CACNA2D4: variants seen among roughly 807,000 people sequenced by gnomAD.
CACNA2D4 encodes the protein voltage-dependent calcium channel subunit alpha-2/delta-4.
A neutral mutation model predicts 163.8 loss-of-function variants in CACNA2D4; 157 were observed. The observed-to-expected ratio is 0.96, with a 90% CI of 0.84 to 1.09. The LOEUF (loss-of-function observed/expected upper bound fraction) is 1.09, where lower values mean the gene tolerates loss of function less well. Ranked by LOEUF, CACNA2D4 falls within the 50% of genes least tolerant of loss-of-function variation. CACNA2D4 has a pLI of 0.00. For synonymous variants in CACNA2D4, 598 were observed against 586.9 expected (o/e 1.02, Z -0.27); for missense variants, 1,410 against 1,479.9 (o/e 0.95, Z 0.78).
intron 26 of CACNA2D4, among the ~76,000 whole-genome samples, chr12:1,826,241 G>A (rs1233876852): frequency 1.3e-5 from 2 of 152,126 alleles, no homozygotes; most frequent in African/African-American, 4.8e-5. Context: ...CCATGGTGAT[G>A]GGCACTGGGT....
At chr12:1,815,123 C>T (rs1286793818) in intron 26 of CACNA2D4, among the ~76,000 whole-genome samples, 1 of 152,196 alleles carries the variant, frequency 6.6e-6, no homozygotes, top group East Asian at 1.9e-4. Flanking sequence ...AACTCTTGAC[C>T]TCAAGTGATC....
At chr12:1,899,926 A>G (rs1289784575) in intron 6 of CACNA2D4, among the ~76,000 whole-genome samples, 3 of 152,202 alleles carry the variant, frequency 2.0e-5, no homozygotes, top group African/African-American at 7.2e-5. Context: ...ATTTACTATA[A>G]TCAAGTTAGG....
chr12:1,883,480 C>T lies in CACNA2D4; in HGVS notation c.1352-480G>A, dbSNP rs1866054992. Among the ~76,000 whole-genome samples, 1 of 152,194 alleles carries T rather than the reference C, an allele frequency of 6.6e-6. No individual in the cohort carries two copies. Among genetic ancestry groups the T allele is most frequent in the Middle Eastern group, 3.2e-3 (1 of 316 alleles). On this transcript the variant is annotated intron_variant, in intron 12 of 37. Transcript: ENST00000382722. This position sits in a 1 kb window ranked among gnomAD's most constrained non-coding sequence, Gnocchi z 4.5. ...CAGGTTGTGGGGTGGGTGTTACAGC[C>T]TATTCCCTGGAACCATGGTGACACT...
At position 1,913,649 on chromosome 12, in the gene CACNA2D4, G is replaced by A. The variant is rs187472306; in HGVS notation, c.310-510C>T. On this transcript the variant is annotated intron_variant, in intron 2 of 37. Transcript: ENST00000382722. Reference sequence around the variant, plus strand: ...GTTCCCACTGTCCCAGCAGAGCTCAGCAGCTCCAGGCACTGAGGATGGCTG... The same window carrying A: ...GTTCCCACTGTCCCAGCAGAGCTCAACAGCTCCAGGCACTGAGGATGGCTG... Among the ~76,000 whole-genome samples the A allele has an allele frequency of 1.3e-3, 202 of 152,374 alleles. 5 individuals are homozygous for A. The Middle Eastern group carries it at 0.024, about 18-fold the overall frequency.
intron 6 of CACNA2D4, among the ~76,000 whole-genome samples, chr12:1,889,582 C>G (rs894231354): frequency 1.2e-4 from 12 of 99,800 alleles, no homozygotes; most frequent in African/African-American, 7.6e-4. Context: ...CCTCAGCCGC[C>G]CCCCCCAGTA....
chr12:1,887,182 G>C (rs1489549380), intron 6 of CACNA2D4, 113 bp from the exon 7 acceptor site: 1 of 720,608 alleles, frequency 1.4e-6, no homozygotes, highest in Non-Finnish European at 2.5e-6. Flanking sequence ...CAGCTTTGGA[G>C]CTAGGGAACA....
In CACNA2D4 at chr12:1,792,319, G is replaced by T. The variant is rs1044825; in HGVS notation, c.*1336C>A. ...ACGGTAAGAGTGACATTCTGTAACC[G>T]ATAATGTAAGTGTGTTTTACAGAGT... On this transcript the variant is annotated 3_prime_UTR_variant, in exon 38 of 38. Coordinates refer to ENST00000382722, the MANE Select transcript of CACNA2D4 (RefSeq NM_172364.5). The T allele has an allele frequency of 0.44, 66,429 of 152,160 alleles. 16,621 individuals carry two copies. The highest frequency in any genetic ancestry group is 0.56 in the Non-Finnish European group (38,340 of 67,976). The allele number at this position is 152,160 out of a possible 1,614,324, so 9.4% of individuals were successfully genotyped here. A position where few individuals can be genotyped will look rare whatever the true frequency, so the allele number is the denominator to read the frequency against.
At chr12:1,862,527 C>A (rs756728223) in intron 18 of CACNA2D4, among the ~76,000 whole-genome samples, 2 of 152,162 alleles carry the variant, frequency 1.3e-5, no homozygotes, top group Non-Finnish European at 2.9e-5. Context: ...AATTCTCATG[C>A]CTTAGCCCTT....
chr12:1,811,881 T>G, intron 26 of CACNA2D4, 158 bp from the exon 27 acceptor site: 1 of 640,946 alleles, frequency 1.6e-6, no homozygotes, highest in Non-Finnish European at 2.7e-6. Context: ...AACTGGGGTT[T>G]CTGGGGAGTG....
rs1863164982 is a variant in CACNA2D4, at chr12:1,797,436, T to A, written c.3095A>T (p.Glu1032Val). The A allele has an allele frequency of 6.4e-7, 1 of 1,558,306 alleles. No individual in the cohort carries two copies. Among genetic ancestry groups the A allele is most frequent in the Non-Finnish European group, 8.6e-7 (1 of 1,156,612 alleles). ...PAIREANGIV[E>V]CGPCQKVFVV... ...GTCTTACTTCTGGCAGGGCCCGCAC[T>A]CCACGATCCCGTTGGCCTCCCGGAT... The change falls in exon 35 of 38, where the codon GAG (glutamate) becomes GTG (valine). Residue 1032 changes from glutamate to valine, a missense_variant. By Grantham distance (121) the Glu-to-Val change is moderately radical. Transcript: ENST00000382722.
chr12:1,896,644 C>CAA (rs1421124068), intron 6 of CACNA2D4, among the ~76,000 whole-genome samples: 19 of 144,924 alleles, frequency 1.3e-4, no homozygotes, highest in African/African-American at 5.2e-4. Context: ...CACACACACA[C>CAA]ACACACACAC....
At chr12:1,891,887 C>T (rs1247074109) in intron 6 of CACNA2D4, among the ~76,000 whole-genome samples, 1 of 151,974 alleles carries the variant, frequency 6.6e-6, no homozygotes, top group Admixed American at 6.6e-5. Context: ...CAAAAATTTT[C>T]TTTAAAAAAA....
intron 23 of CACNA2D4, among the ~76,000 whole-genome samples, chr12:1,851,658 T>TGTGTGTGTGTGC (rs1354833180): frequency 7.8e-5 from 7 of 89,966 alleles, no homozygotes; most frequent in Non-Finnish European, 1.4e-4. Context: ...TGTTTGTGTG[T>TGTGTGTGTGTGC]GTGTGTGTGT....
chr12:1,795,638 C>T (rs764498201), intron 36 of CACNA2D4, 30 bp downstream of exon 36: 2 of 1,474,344 alleles, frequency 1.4e-6, no homozygotes, highest in East Asian at 2.3e-5. Flanking sequence ...CCCGCCCCCA[C>T]CGCACACATC....
intron 25 of CACNA2D4, 43 bp from the exon 26 acceptor site, chr12:1,840,862 T>C (rs746052324): frequency 1.3e-6 from 2 of 1,552,112 alleles, no homozygotes; most frequent in East Asian, 2.2e-5. Flanking sequence ...AGAGCTGTGG[T>C]TGGGGCAGGT....
chr12:1,831,312 A>G (rs375953804), intron 26 of CACNA2D4: 6 of 1,613,812 alleles, frequency 3.7e-6, no homozygotes, highest in Non-Finnish European at 5.1e-6. Context: ...GGACCTGTCC[A>G]TCAACGGCCT....
intron 18 of CACNA2D4, among the ~76,000 whole-genome samples, chr12:1,871,872 C>T (rs1592724437): frequency 6.6e-6 from 1 of 152,224 alleles, no homozygotes; most frequent in Admixed American, 6.5e-5. Flanking sequence ...TTCCCTCCCC[C>T]ATTGCTAATT....
chr12:1,810,578 C>T lies in CACNA2D4; in HGVS notation c.2623G>A (p.Val875Met), dbSNP rs199781150. The T allele has an allele frequency of 4.2e-5, 66 of 1,553,518 alleles. 1 individual carries two copies. In the African/African-American group the frequency reaches 8.1e-4, roughly 19 times the overall value. Residue 875 changes from valine to methionine, a missense_variant, in exon 28 of 38, where the codon GTG becomes ATG. Val to Met is a conservative substitution (Grantham distance 21). Coordinates refer to ENST00000382722, the MANE Select transcript of CACNA2D4 (RefSeq NM_172364.5). Reference protein sequence around the residue: ...FWAATRQCSTVDGPCTQSCED... With the variant: ...FWAATRQCSTMDGPCTQSCED... ...CAGCTCTGTGTGCACGGCCCATCCA[C>T]AGTGCTGCACTGGAAGGAAGAGGAG...
chr12:1,802,431 C>T lies in CACNA2D4; in HGVS notation c.2722-787G>A, dbSNP rs750311486. Among the ~76,000 whole-genome samples the T allele has an allele frequency of 2.6e-5, 4 of 152,226 alleles. No homozygotes were observed. Among genetic ancestry groups the T allele is most frequent in the Admixed American group, 6.5e-5 (1 of 15,284 alleles). ...GGCTCCCCTTTTGTTGTCCATCAGC[C>T]AGCACTTTGTGGCTTCTGTGCCCTG... On this transcript the variant is annotated intron_variant, in intron 29 of 37. Coordinates refer to ENST00000382722, the MANE Select transcript of CACNA2D4 (RefSeq NM_172364.5). This position sits in a 1 kb window ranked among gnomAD's most constrained non-coding sequence, Gnocchi z 4.7.
Sources: gnomAD v4.1 joint callset for allele counts (sites outside exome capture counted in the v4.1 genomes callset) on GRCh38, gnomAD v4.1.1 for gene constraint, Gnocchi (gnomAD v3.1) non-coding constraint, MANE v1.5 for transcripts, NCBI Gene and HGNC (gene_info 2026-07-23, HGNC 2026-07-21) for gene names.